KIAA1210: variants seen among roughly 807,000 people sequenced by gnomAD.
KIAA1210 encodes acrosomal protein KIAA1210.
Under a neutral mutation model 78.9 loss-of-function variants are expected in KIAA1210, and 48 were observed. The ratio of observed to expected loss-of-function variants is 0.61; its 90% CI spans 0.48 to 0.77. The LOEUF (loss-of-function observed/expected upper bound fraction) is 0.77, where lower values mean the gene tolerates loss of function less well. Ranked by LOEUF, KIAA1210 falls within the 30% of genes least tolerant of loss-of-function variation. The pLI is 0.00. For missense variants in KIAA1210, 1,108 were observed against 1,100.0 expected (o/e 1.01, Z -0.10); for synonymous variants, 406 against 404.5 (o/e 1.00, Z -0.04).
In KIAA1210 at chrX:119,093,762, T is replaced by C. The variant is rs1190140107; in HGVS notation, c.860A>G (p.Glu287Gly). The C allele has an allele frequency of 8.3e-7, 1 of 1,201,245 alleles. No homozygotes were observed. The highest frequency in any genetic ancestry group is 1.8e-5 in the African/African-American group (1 of 56,876). ...KNLQVIVEPK[E>G]EEPNLPLVSE... ...AACCAATGGAAGGTTTGGCTCCTCC[T>C]CCTTTGGTTCCACCTGAAACAGGAA... Residue 287 changes from glutamate (E) to glycine (G), a missense_variant, in exon 8 of 12, where the codon GAG (glutamate) becomes GGG (glycine). Coordinates refer to ENST00000691062, the MANE Select transcript of KIAA1210 (RefSeq NM_001394962.1).
At chrX:119,133,462 C>G (rs1350283307) in intron 2 of KIAA1210, among the ~76,000 whole-genome samples, 1 of 111,292 alleles carries the variant, frequency 9.0e-6, no homozygotes, top group African/African-American at 3.3e-5. Context: ...ACAACTACGT[C>G]CATGCACAAA....
intron 2 of KIAA1210, among the ~76,000 whole-genome samples, chrX:119,138,129 G>A (rs1190818992): frequency 3.7e-5 from 4 of 109,189 alleles, no homozygotes; most frequent in Non-Finnish European, 7.6e-5. Flanking sequence ...CAGCAGAAAG[G>A]ACTAAAAGGG....
chrX:119,126,701 T>A (rs1306783755), intron 1 of KIAA1210, among the ~76,000 whole-genome samples: 1 of 112,103 alleles, frequency 8.9e-6, no homozygotes, highest in Non-Finnish European at 1.9e-5. Flanking sequence ...CCAGAATGAA[T>A]GGCTTTACCC....
intron 2 of KIAA1210, among the ~76,000 whole-genome samples, chrX:119,144,063 T>C (rs1205971574): frequency 8.9e-6 from 1 of 112,522 alleles, no homozygotes; most frequent in Admixed American, 9.4e-5. Context: ...AGTATGGCCT[T>C]TGATGGCACA....
chrX:119,088,697 C>T lies in KIAA1210; in HGVS notation c.2005G>A (p.Glu669Lys). ...RCLSQALEEP[E>K]DAEVFTESSS... ...GATTCTGTGAAGACTTCTGCATCTT[C>T]AGGCTCCTCTAAAGCCTGGGAGAGG... The change falls in exon 9 of 12, where the codon GAA becomes AAA. Residue 669 changes from glutamate to lysine, a missense_variant. By Grantham distance (56) the Glu-to-Lys change is moderately conservative. Transcript: ENST00000691062. 8.3e-7 allele frequency: 1 copy of T among 1,210,712 alleles called. No homozygotes were observed. Among genetic ancestry groups the T allele is most frequent in the South Asian group, 1.8e-5 (1 of 56,735 alleles).
intron 2 of KIAA1210, among the ~76,000 whole-genome samples, chrX:119,121,585 G>A (rs1234447985): frequency 1.8e-5 from 2 of 111,133 alleles, no homozygotes; most frequent in East Asian, 5.6e-4. Flanking sequence ...TTTTCTCCAG[G>A]GAAGAAAACA....
At position 119,089,007 on chromosome X, in the gene KIAA1210, A is replaced by G; in HGVS notation, c.1695T>C (p.Phe565=). 8.3e-7 allele frequency: 1 copy of G among 1,212,114 alleles called. No homozygotes were observed. The highest frequency in any genetic ancestry group is 1.1e-6 in the Non-Finnish European group (1 of 895,471). ...TTGTCATACCCAAAACACTTGCTGTAAAGGTCTGGTGAACATTTCCAGAAG... is the reference window on the plus strand; with the variant it reads ...TTGTCATACCCAAAACACTTGCTGTGAAGGTCTGGTGAACATTTCCAGAAG... ...EKPSGNVHQT[F]TASVLGMTST... Residue 565 remains phenylalanine, a synonymous_variant, in exon 9 of 12, where the codon TTT becomes TTC. Transcript: ENST00000691062.
chrX:119,150,446 C>T (rs1168956620), exon 1 of KIAA1210: 1 of 1,210,280 alleles, frequency 8.3e-7, no homozygotes, highest in Non-Finnish European at 1.1e-6. Context: ...ACTGCAACAG[C>T]CTTGGGAATA....
chrX:119,088,849 T>C lies in KIAA1210; in HGVS notation c.1853A>G (p.Glu618Gly). The stretch of plus-strand genomic sequence containing the variant: ...GGAAGAGTGACCATGAGCCAGTTCT[T>C]CAGAACCATCCCCCTCCTCAGGAAT... ...ENIPEEGDGS[E>G]ELAHGHSSQS... is the part of the protein sequence containing the mutation. Residue 618 changes from glutamate to glycine, a missense_variant, in exon 9 of 12, where the codon GAA becomes GGA. Transcript: ENST00000691062. 8.3e-7 allele frequency: 1 copy of C among 1,211,445 alleles called. No individual in the cohort carries two copies. Among genetic ancestry groups the C allele is most frequent in the Non-Finnish European group, 1.1e-6 (1 of 895,389 alleles).
chrX:119,139,693 A>G (rs1310396211), intron 2 of KIAA1210, among the ~76,000 whole-genome samples: 1 of 112,083 alleles, frequency 8.9e-6, no homozygotes, highest in Non-Finnish European at 1.9e-5. Context: ...ACACAACTGC[A>G]CTTGTACCTC....
At chrX:119,112,963 A>G (rs997946106) in intron 3 of KIAA1210, among the ~76,000 whole-genome samples, 1 of 112,374 alleles carries the variant, frequency 8.9e-6, no homozygotes, top group African/African-American at 3.2e-5. Context: ...TAACTGATGA[A>G]TGGATAAAAT....
chrX:119,137,212 ACTT>A (rs1391012438), intron 2 of KIAA1210, among the ~76,000 whole-genome samples: 1 of 112,389 alleles, frequency 8.9e-6, no homozygotes, highest in East Asian at 2.8e-4. Context: ...AGTTATTTTC[ACTT>A]CTCTCCCATT....
chrX:119,099,912 A>G (rs1186596343), intron 6 of KIAA1210, among the ~76,000 whole-genome samples: 1 of 111,789 alleles, frequency 8.9e-6, no homozygotes, highest in Non-Finnish European at 1.9e-5. Context: ...ATATGAGTAC[A>G]GCAAGTTCAG....
rs1362953597 is a variant in KIAA1210, at chrX:119,144,556, ACATG to A, written c.410+2913_410+2916del. 2.7e-5 allele frequency among the ~76,000 whole-genome samples: 3 copies of A among 111,898 alleles called. No homozygotes were observed. The East Asian group carries it at 8.4e-4, about 31-fold the overall frequency. On this transcript the variant is annotated intron_variant, in intron 2 of 13. Coordinates refer to the KIAA1210 transcript ENST00000402510. ...CAGATGTGGCCAAAGAGGCATGGGG[ACATG>A]ACTAGAGGAATCCTGTGAGGGCTGA...
chrX:119,085,585 C>A, intron 9 of KIAA1210, 39 bp from the exon 10 acceptor site: 1 of 1,156,585 alleles, frequency 8.6e-7, no homozygotes, highest in Non-Finnish European at 1.2e-6. Flanking sequence ...TGAAGCAAGG[C>A]AGGCAGGGTC....
intron 7 of KIAA1210, among the ~76,000 whole-genome samples, chrX:119,094,306 G>C (rs1927487700): frequency 8.9e-6 from 1 of 112,024 alleles, no homozygotes; most frequent in Admixed American, 9.5e-5. Context: ...AAAGCTGAAA[G>C]GTTCAGCCCT....
At chrX:119,123,377 C>T (rs1251948158) in intron 2 of KIAA1210, among the ~76,000 whole-genome samples, 1 of 111,988 alleles carries the variant, frequency 8.9e-6, no homozygotes, top group African/African-American at 3.2e-5. Context: ...TAACCATTTT[C>T]AAAGAAGATT....
At chrX:119,108,163 C>G (rs1240397626) in intron 5 of KIAA1210, among the ~76,000 whole-genome samples, 174 bp downstream of exon 5, 2 of 111,456 alleles carry the variant, frequency 1.8e-5, no homozygotes, top group East Asian at 2.8e-4. Context: ...CACAAGCAAC[C>G]CTTTGAGGTA....
upstream of KIAA1210, among the ~76,000 whole-genome samples, chrX:119,130,479 T>C (rs907829007): frequency 1.8e-5 from 2 of 112,942 alleles, no homozygotes; most frequent in African/African-American, 6.4e-5. Context: ...TTGAGAACAG[T>C]GACCATGTTT....
Sources: allele counts gnomAD v4.1 joint callset (sites outside exome capture counted in the v4.1 genomes callset), GRCh38; gene constraint gnomAD v4.1.1; transcripts MANE v1.5; gene names NCBI Gene and HGNC (gene_info 2026-07-23, HGNC 2026-07-21).